LARGE1: variants seen among roughly 807,000 people sequenced by gnomAD.
LARGE1 encodes LARGE xylosyl- and glucuronyltransferase 1, also known as xylosyl- and glucuronyltransferase LARGE1.
In LARGE1, 43 loss-of-function variants were observed where a neutral mutation model predicts 87.6. The ratio of observed to expected loss-of-function variants is 0.49; its 90% CI spans 0.38 to 0.63. LARGE1 has a LOEUF of 0.63. LARGE1 is among the 30% of genes least tolerant of loss of function. The probability of loss-of-function intolerance (pLI) is 0.00; values close to 1 mark genes in which losing one functional copy is unlikely to be tolerated. For missense variants in LARGE1, 802 were observed against 1,000.2 expected (o/e 0.80, Z 2.67); for synonymous variants, 434 against 394.6 (o/e 1.10, Z -1.18).
At chr22:33,777,541 G>A (rs1010801663) in intron 1 of LARGE1, among the ~76,000 whole-genome samples, 5 of 151,774 alleles carry the variant, frequency 3.3e-5, no homozygotes, top group African/African-American at 4.8e-5. Context: ...TACTTGAGAG[G>A]CCAAGGTGGA....
At chr22:33,514,115 CAATGATGCAATCACCT>C (rs998685903) in intron 6 of LARGE1, among the ~76,000 whole-genome samples, 5 of 152,164 alleles carry the variant, frequency 3.3e-5, no homozygotes, top group African/African-American at 1.2e-4. Context: ...GATGTTTGCA[CAATGATGCAATCACCT>C]AATGATGCAT....
At chr22:33,701,990 T>G (rs16992815) in intron 2 of LARGE1, among the ~76,000 whole-genome samples, 1 of 152,240 alleles carries the variant, frequency 6.6e-6, no homozygotes, top group Admixed American at 6.5e-5. Context: ...TTAGTGTGAG[T>G]GTTCCTCTCC....
At chr22:33,474,645 T>G (rs1268062599) in intron 6 of LARGE1, among the ~76,000 whole-genome samples, 1 of 152,222 alleles carries the variant, frequency 6.6e-6, no homozygotes, top group Non-Finnish European at 1.5e-5. Context: ...CTCTGGAGTT[T>G]TGATAAGTCA....
At chr22:33,578,976 G>A (rs1350823687) in intron 5 of LARGE1, among the ~76,000 whole-genome samples, 1 of 152,160 alleles carries the variant, frequency 6.6e-6, no homozygotes, top group East Asian at 1.9e-4. Flanking sequence ...GGCCAGTAAC[G>A]CTCTACTGAG....
intron 1 of LARGE1, among the ~76,000 whole-genome samples, chr22:33,778,369 A>C (rs1332805083): frequency 1.3e-5 from 2 of 152,208 alleles, no homozygotes; most frequent in Non-Finnish European, 2.9e-5. Context: ...AACCACTTTA[A>C]CAAGTACAAT....
chr22:33,821,242 G>T (rs1179055519), intron 1 of LARGE1, among the ~76,000 whole-genome samples: 4 of 152,060 alleles, frequency 2.6e-5, no homozygotes, highest in Non-Finnish European at 5.9e-5. Context: ...GACGATGTTG[G>T]TTATCTTCTC....
chr22:33,713,992 A>ATAACATAACATAACG (rs2082832508), intron 2 of LARGE1, among the ~76,000 whole-genome samples: 1 of 149,180 alleles, frequency 6.7e-6, no homozygotes, highest in Non-Finnish European at 1.5e-5. Context: ...GTAACATAAC[A>ATAACATAACATAACG]TAACATAACA....
chr22:33,498,219 G>A (rs115082500), intron 6 of LARGE1, among the ~76,000 whole-genome samples: 2,024 of 152,154 alleles, frequency 0.013, 42 homozygotes, highest in African/African-American at 0.047. Flanking sequence ...AAGCTGGGGG[G>A]TGGAAATGGA....
intron 7 of LARGE1, among the ~76,000 whole-genome samples, chr22:33,412,557 A>G (rs2066342741): frequency 6.6e-6 from 1 of 152,180 alleles, no homozygotes; most frequent in Admixed American, 6.5e-5. Flanking sequence ...GAGTAAAGTG[A>G]TTAGGAATTA....
At chr22:33,198,177 GA>G (rs1924176416) in intron 11 of LARGE1, among the ~76,000 whole-genome samples, 1 of 152,050 alleles carries the variant, frequency 6.6e-6, no homozygotes. Context: ...CATTGATTAG[GA>G]AAATAATTTT....
chr22:33,360,601 G>C (rs1365862305), intron 9 of LARGE1, among the ~76,000 whole-genome samples: 1 of 149,330 alleles, frequency 6.7e-6, no homozygotes, highest in Non-Finnish European at 1.5e-5. Context: ...CCATTCATGA[G>C]AAACCACCCC....
intron 2 of LARGE1, among the ~76,000 whole-genome samples, chr22:33,708,875 A>G (rs2082641913): frequency 6.6e-6 from 1 of 152,180 alleles, no homozygotes; most frequent in Non-Finnish European, 1.5e-5. Context: ...CTGGGATTAC[A>G]GGCGCGAGCC....
At chr22:33,381,828 T>C (rs545953502) in intron 9 of LARGE1, 91 bp downstream of exon 9, 1 of 1,508,034 alleles carries the variant, frequency 6.6e-7, no homozygotes, top group Admixed American at 1.7e-5. Context: ...CTCACCACAT[T>C]GCACATAAAT....
intron 6 of LARGE1, among the ~76,000 whole-genome samples, chr22:33,439,071 G>T (rs547054761): frequency 6.6e-6 from 1 of 152,154 alleles, no homozygotes; most frequent in South Asian, 2.1e-4. Flanking sequence ...AAAATTAGCT[G>T]GGTGTGGTGG....
chr22:33,797,046 G>A (rs1311448322), intron 1 of LARGE1, among the ~76,000 whole-genome samples: 1 of 152,098 alleles, frequency 6.6e-6, no homozygotes, highest in East Asian at 1.9e-4. Flanking sequence ...TCACAGGCGT[G>A]AGCCACCATG....
the LARGE1 span, among the ~76,000 whole-genome samples, chr22:33,079,937 A>G: frequency 6.6e-6 from 1 of 152,178 alleles, no homozygotes; most frequent in Admixed American, 6.5e-5. Flanking sequence ...CAAGAGAGCT[A>G]TCAGGGGGAC....
the LARGE1 span, among the ~76,000 whole-genome samples, chr22:33,079,483 T>C: frequency 6.6e-6 from 1 of 152,080 alleles, no homozygotes; most frequent in Non-Finnish European, 1.5e-5. Flanking sequence ...CGTCTTGGCC[T>C]CCCAAAGTTC....
chr22:33,544,993 AAACGTATGCTGAGCAGGCAG>A (rs1463285378), intron 6 of LARGE1, among the ~76,000 whole-genome samples: 28 of 152,212 alleles, frequency 1.8e-4, no homozygotes, highest in Non-Finnish European at 1.9e-4. Flanking sequence ...TGGAAGGAAG[AAACGTATGCTGAGCAGGCAG>A]AACACCACAA....
chr22:33,365,537 A>G (rs1332312714), intron 9 of LARGE1, among the ~76,000 whole-genome samples: 1 of 152,082 alleles, frequency 6.6e-6, no homozygotes, highest in Non-Finnish European at 1.5e-5. Context: ...TTTATCATTC[A>G]ATATTAAGAG....
Sources: allele counts gnomAD v4.1 joint callset (sites outside exome capture counted in the v4.1 genomes callset), GRCh38; gene constraint gnomAD v4.1.1; transcripts MANE v1.5; gene names NCBI Gene and HGNC (gene_info 2026-07-23, HGNC 2026-07-21).